Variants in SLC43A2 observed in about 807,000 individuals in gnomAD.
SLC43A2 encodes the protein large neutral amino acids transporter small subunit 4.
In SLC43A2, 38 loss-of-function variants were observed where a neutral mutation model predicts 63.2. That is an observed-to-expected ratio of 0.60 (90% CI 0.46 to 0.79). SLC43A2 has a LOEUF of 0.79. Among genes scored for constraint, SLC43A2 ranks in the 30% least tolerant of loss-of-function variants. The pLI, the probability that SLC43A2 is intolerant of heterozygous loss-of-function variation, is 0.00. For synonymous variants in SLC43A2, 322 were observed against 331.0 expected, an observed-to-expected ratio of 0.97 and a Z score of 0.30; for missense variants, 644 against 756.2, an observed-to-expected ratio of 0.85 and a Z score of 1.74.
At chr17:1,611,398 G>A (rs1373241393) in intron 5 of SLC43A2, among the ~76,000 whole-genome samples, 1 of 152,106 alleles carries the variant, frequency 6.6e-6, no homozygotes, top group Non-Finnish European at 1.5e-5. Flanking sequence ...ACTTTGGGAG[G>A]CTGAGGCGGG....
intron 5 of SLC43A2, among the ~76,000 whole-genome samples, chr17:1,607,501 G>A (rs1906725455): frequency 1.3e-5 from 2 of 152,152 alleles, no homozygotes; most frequent in African/African-American, 4.8e-5. Flanking sequence ...CTCATCAGAG[G>A]CCTCAGGGGG....
chr17:1,576,438 T>C (rs1218307791), intron 13 of SLC43A2, among the ~76,000 whole-genome samples, 159 bp downstream of exon 13: 1 of 152,162 alleles, frequency 6.6e-6, no homozygotes, highest in Non-Finnish European at 1.5e-5. Flanking sequence ...CATGTTCCTT[T>C]TCCTGCCTAG....
chr17:1,581,850 G>T (rs1309686847), intron 11 of SLC43A2, among the ~76,000 whole-genome samples: 1 of 150,326 alleles, frequency 6.7e-6, no homozygotes, highest in African/African-American at 2.5e-5. Flanking sequence ...CTGTCGCCCA[G>T]GCTGGAGTGC....
chr17:1,587,320 G>C (rs2076120199), intron 9 of SLC43A2, among the ~76,000 whole-genome samples: 1 of 152,220 alleles, frequency 6.6e-6, no homozygotes, highest in Non-Finnish European at 1.5e-5. Context: ...GGTGCAATCA[G>C]GGTCCCTGTC....
At chr17:1,628,042 G>A in intron 1 of SLC43A2, 122 bp from the exon 2 acceptor site, 1 of 1,034,242 alleles carries the variant, frequency 9.7e-7, no homozygotes, top group Non-Finnish European at 1.2e-6. Flanking sequence ...GGCGGCCGGT[G>A]CGCGCAGCAG....
rs1216714924 is a variant in SLC43A2 at position 1,593,126 on chromosome 17, G to C, written c.594+61C>G. On this transcript the variant is annotated intron_variant, in intron 6 of 13. Transcript: ENST00000301335. The surrounding 1 kb of genome is among the most constrained non-coding windows in gnomAD (Gnocchi z 5.3). ...CCACAATTGCCTCCCTCTTCAGAGA[G>C]GGTGGAAGGAGCCTGGAGCAGGCCT... The C allele has an allele frequency of 6.6e-7, 1 of 1,525,868 alleles. No individual in the cohort carries two copies. The highest frequency in any genetic ancestry group is 9.0e-7 in the Non-Finnish European group (1 of 1,112,256). 94.5% of individuals were successfully genotyped at this position (1,525,868 alleles called of 1,614,324 possible).
intron 5 of SLC43A2, among the ~76,000 whole-genome samples, chr17:1,600,536 T>G (rs554438458): frequency 7.0e-6 from 1 of 143,276 alleles, no homozygotes; most frequent in East Asian, 2.1e-4. Flanking sequence ...TAAGAGATTT[T>G]TTTTTCTTTC....
chr17:1,624,489 G>A (rs1908476317), intron 2 of SLC43A2, among the ~76,000 whole-genome samples: 1 of 151,884 alleles, frequency 6.6e-6, no homozygotes, highest in Non-Finnish European at 1.5e-5. Flanking sequence ...GATCACCTGA[G>A]GTCAGGAGTT....
chr17:1,600,152 A>ATATATATATATATATATAT (rs1216616243), intron 5 of SLC43A2, among the ~76,000 whole-genome samples: 15 of 60,276 alleles, frequency 2.5e-4, no homozygotes, highest in African/African-American at 8.0e-4. Context: ...ATATATATAT[A>ATATATATATATATATATAT]TTTTTTTTTT....
At chr17:1,629,124 G>A (rs1598507044), upstream of SLC43A2, among the ~76,000 whole-genome samples, 1 of 152,244 alleles carries the variant, frequency 6.6e-6, no homozygotes, top group African/African-American at 2.4e-5. Context: ...CTCTCCAGCG[G>A]CCTGACCCTG....
rs1008196205 is a variant in SLC43A2, at chr17:1,574,066, T to C, written c.*1538A>G. 2 of 152,442 alleles carry C rather than the reference T, an allele frequency of 1.3e-5. No homozygotes were observed. Among genetic ancestry groups the C allele is most frequent in the African/African-American group, 4.8e-5 (2 of 41,444 alleles). The allele number at this position is 152,442 out of a possible 1,614,324, so 9.4% of individuals were successfully genotyped here. A position where few individuals can be genotyped will look rare whatever the true frequency, so the allele number is the denominator to read the frequency against. ...CTGCCGCCCACATCCTGAACTGCTC[T>C]GAGCCTGCAGAAGAACCCAGCGGGA... On this transcript the variant is annotated 3_prime_UTR_variant, in exon 14 of 14. Coordinates refer to ENST00000301335, the MANE Select transcript of SLC43A2 (RefSeq NM_152346.3).
At chr17:1,585,782 G>A (rs72820319) in intron 10 of SLC43A2, 131 bp downstream of exon 10, 169,215 of 1,597,696 alleles carry the variant, frequency 0.11, 9,835 homozygotes, top group Middle Eastern at 0.13. Flanking sequence ...GTCTCTCTAA[G>A]GGCTCCGGGA....
rs556075399 is a variant in SLC43A2, at chr17:1,622,487, C to A, written c.160+5228G>T. 5.7e-4 allele frequency among the ~76,000 whole-genome samples: 86 copies of A among 152,060 alleles called. 1 individual carries two copies. In the South Asian group the frequency reaches 7.7e-3, roughly 14 times the overall value. ...GGCTGAGGCAGGAGAATGGCGTGAA[C>A]CCGGGAGGCGGAGGTTGCGGTGAGC... On this transcript the variant is annotated intron_variant, in intron 2 of 13. Transcript: ENST00000301335.
In SLC43A2 at chr17:1,574,984, C is replaced by T. The variant is rs952293767; in HGVS notation, c.*620G>A. ...GGAGGCGAGGGGTCCACCCAGCCCG[C>T]TAAACCCTCTCCAGGGCATAAGCCA... On this transcript the variant is annotated 3_prime_UTR_variant, in exon 14 of 14. Transcript: ENST00000301335. The T allele has an allele frequency of 6.4e-6, 1 of 156,156 alleles. No individual in the cohort carries two copies. The highest frequency in any genetic ancestry group is 1.4e-5 in the Non-Finnish European group (1 of 70,034). The allele number at this position is 156,156 out of a possible 1,614,324, so 9.7% of individuals were successfully genotyped here.
At chr17:1,612,367 T>G (rs1907197463) in intron 5 of SLC43A2, among the ~76,000 whole-genome samples, 1 of 152,152 alleles carries the variant, frequency 6.6e-6, no homozygotes, top group African/African-American at 2.4e-5. Flanking sequence ...AAGGGGGTGC[T>G]TAGTACCCCG....
In SLC43A2 at chr17:1,575,448, C is replaced by A. The variant is rs1047733178; in HGVS notation, c.*156G>T. ...TGTCCGGGGCCCTCTCCCGTCCTTC[C>A]ACCACAGAGCTCCGAGGCAGGGCCC... On this transcript the variant is annotated 3_prime_UTR_variant, in exon 14 of 14. Transcript: ENST00000301335. 2 of 962,818 alleles carry A rather than the reference C, an allele frequency of 2.1e-6. No individual in the cohort carries two copies. The highest frequency in any genetic ancestry group is 3.3e-5 in the African/African-American group (2 of 61,198). 59.6% of individuals were successfully genotyped at this position (962,818 alleles called of 1,614,324 possible). A position where few individuals can be genotyped will look rare whatever the true frequency, so the allele number is the denominator to read the frequency against.
chr17:1,585,154 T>C, intron 10 of SLC43A2: 1 of 987,378 alleles, frequency 1.0e-6, no homozygotes, highest in Non-Finnish European at 1.2e-6. Context: ...GGAGGGAGGG[T>C]GGTCTTAGGA....
At chr17:1,607,136 C>A (rs1906698571) in intron 5 of SLC43A2, among the ~76,000 whole-genome samples, 1 of 115,700 alleles carries the variant, frequency 8.6e-6, no homozygotes, top group African/African-American at 3.0e-5. Context: ...TTCCACAGCG[C>A]CGTCCCCTAG....
chr17:1,626,190 A>G (rs1425916485), intron 2 of SLC43A2, among the ~76,000 whole-genome samples: 1 of 91,036 alleles, frequency 1.1e-5, no homozygotes. Context: ...TTTTTTTTTT[A>G]AACCCTGTGT....
Sources: allele counts gnomAD v4.1 joint callset (sites outside exome capture counted in the v4.1 genomes callset), GRCh38; gene constraint gnomAD v4.1.1; non-coding constraint Gnocchi (gnomAD v3.1); transcripts MANE v1.5; gene names NCBI Gene and HGNC (gene_info 2026-07-23, HGNC 2026-07-21).